VPS26A: variants seen among roughly 807,000 people sequenced by gnomAD.
The protein encoded by VPS26A is vacuolar protein sorting-associated protein 26A.
Under a neutral mutation model 42.4 loss-of-function variants are expected in VPS26A, and 22 were observed. The ratio of observed to expected loss-of-function variants is 0.52; its 90% CI spans 0.37 to 0.74. The LOEUF is 0.74. Among genes scored for constraint, VPS26A ranks in the 30% least tolerant of loss-of-function variants. VPS26A has a pLI of 0.00. For missense variants in VPS26A, 276 were observed against 379.2 expected, an observed-to-expected ratio of 0.73 and a Z score of 2.26; for synonymous variants, 110 against 123.5, an observed-to-expected ratio of 0.89 and a Z score of 0.73.
chr10:69,144,881 G>A (rs181824471), intron 2 of VPS26A, among the ~76,000 whole-genome samples: 115 of 151,656 alleles, frequency 7.6e-4, no homozygotes, highest in African/African-American at 2.6e-3. Context: ...GGTGTCTTAT[G>A]ATAAACAGTT....
In VPS26A at chr10:69,166,082, T is replaced by C. The variant is rs752472713; in HGVS notation, c.699T>C (p.Tyr233=). The change falls in exon 7 of 9, where the codon TAT becomes TAC. Residue 233 remains tyrosine, a synonymous_variant. Coordinates refer to ENST00000263559, the MANE Select transcript of VPS26A (RefSeq NM_004896.5). ...TTTETETIAK[Y]EIMDGAPVKG... is the part of the protein sequence containing the mutation. ...CAGAAACAGAAACAATCGCCAAATA[T>C]GAAATAATGGATGGTGCACCAGTAA... is the stretch of plus-strand genomic sequence containing the variant. 1.9e-6 allele frequency: 3 copies of C among 1,614,042 alleles called. No individual in the cohort carries two copies. Among genetic ancestry groups the C allele is most frequent in the South Asian group, 1.1e-5 (1 of 91,080 alleles).
chr10:69,129,140 T>C (rs1309004585), intron 1 of VPS26A, among the ~76,000 whole-genome samples: 1 of 152,092 alleles, frequency 6.6e-6, no homozygotes, highest in African/African-American at 2.4e-5. Context: ...TATCCTTCAA[T>C]ATAACTGATT....
In VPS26A at chr10:69,173,279, C is replaced by G. The variant is rs1023904463; in HGVS notation, c.*2010C>G. On this transcript the variant is annotated 3_prime_UTR_variant, in exon 9 of 9. Transcript: ENST00000263559. ...TCACCTTAGAAGCTTTTAAAATAAC[C>G]AGGCCCGGGTCCTACTCTGACCAAT... Among the ~76,000 whole-genome samples the G allele has an allele frequency of 6.6e-6, 1 of 152,118 alleles. No homozygotes were observed. The highest frequency in any genetic ancestry group is 2.4e-5 in the African/African-American group (1 of 41,430).
At chr10:69,131,110 C>T (rs1840767653) in intron 1 of VPS26A, among the ~76,000 whole-genome samples, 1 of 152,090 alleles carries the variant, frequency 6.6e-6, no homozygotes, top group African/African-American at 2.4e-5. Context: ...CTCAGCCTCC[C>T]GAGTAGCTGG....
chr10:69,154,286 C>T (rs575932550), intron 2 of VPS26A, among the ~76,000 whole-genome samples: 1 of 152,282 alleles, frequency 6.6e-6, no homozygotes, highest in African/African-American at 2.4e-5. Flanking sequence ...CCTGTAATCC[C>T]AGCACTTTGG....
intron 2 of VPS26A, 21 bp from the exon 3 acceptor site, chr10:69,155,791 T>A (rs779402414): frequency 6.2e-7 from 1 of 1,602,100 alleles, no homozygotes; most frequent in African/African-American, 1.3e-5. Flanking sequence ...TAACATCTCT[T>A]ATAATTTCAT....
At chr10:69,160,055 ATTG>A (rs1841517799) in intron 5 of VPS26A, among the ~76,000 whole-genome samples, 1 of 152,036 alleles carries the variant, frequency 6.6e-6, no homozygotes, top group Admixed American at 6.6e-5. Context: ...TTAAAATTAT[ATTG>A]TTGATGAAAT....
chr10:69,131,437 A>T (rs965319174), intron 1 of VPS26A, among the ~76,000 whole-genome samples: 7 of 151,874 alleles, frequency 4.6e-5, no homozygotes, highest in Non-Finnish European at 8.8e-5. Context: ...AAATTTTTTT[A>T]AAAAAGATCA....
intron 2 of VPS26A, among the ~76,000 whole-genome samples, chr10:69,149,734 G>GTTTTTTTTTTTTTTTTTTT (rs869048277): frequency 4.7e-5 from 1 of 21,406 alleles, no homozygotes; most frequent in African/African-American, 9.1e-5. Context: ...GGTGTTTTTT[G>GTTTTTTTTTTTTTTTTTTT]TTTTTTTTTT....
At chr10:69,132,037 A>G (rs902389644) in intron 1 of VPS26A, among the ~76,000 whole-genome samples, 2 of 152,202 alleles carry the variant, frequency 1.3e-5, no homozygotes, top group Non-Finnish European at 2.9e-5. Flanking sequence ...ATTTTCCTTC[A>G]TTATAGCCAG....
intron 2 of VPS26A, among the ~76,000 whole-genome samples, chr10:69,150,204 C>T (rs1238550949): frequency 1.3e-5 from 2 of 151,780 alleles, no homozygotes; most frequent in African/African-American, 4.8e-5. Flanking sequence ...GAGGCATGCA[C>T]CATCACACCT....
At chr10:69,148,460 A>G (rs997013690) in intron 2 of VPS26A, among the ~76,000 whole-genome samples, 1 of 152,216 alleles carries the variant, frequency 6.6e-6, no homozygotes, top group Non-Finnish European at 1.5e-5. Flanking sequence ...ATCAATATGC[A>G]TATGGACTAT....
chr10:69,130,563 A>C (rs1840752579), intron 1 of VPS26A, among the ~76,000 whole-genome samples: 1 of 152,224 alleles, frequency 6.6e-6, no homozygotes, highest in African/African-American at 2.4e-5. Context: ...AACTGAAGTA[A>C]AATAACTATG....
At chr10:69,160,232 T>C (rs1841525425) in intron 5 of VPS26A, among the ~76,000 whole-genome samples, 1 of 152,034 alleles carries the variant, frequency 6.6e-6, no homozygotes, top group Admixed American at 6.6e-5. Flanking sequence ...TGATCTCGGC[T>C]CACTGCAACC....
chr10:69,166,237 A>G (rs1362622199), intron 7 of VPS26A, 127 bp downstream of exon 7: 4 of 841,224 alleles, frequency 4.8e-6, no homozygotes, highest in African/African-American at 1.7e-5. Flanking sequence ...GATAGCTTTT[A>G]AGGTCATCTT....
intron 2 of VPS26A, among the ~76,000 whole-genome samples, chr10:69,144,180 G>C (rs1841104426): frequency 6.6e-6 from 1 of 152,074 alleles, no homozygotes. Flanking sequence ...CCTCACCCCA[G>C]CCCCACATGG....
At chr10:69,162,373 T>G in intron 5 of VPS26A, 33 bp from the exon 6 acceptor site, 2 of 1,138,042 alleles carry the variant, frequency 1.8e-6, no homozygotes, top group Non-Finnish European at 1.3e-6. Context: ...GTTTTTAAAC[T>G]GATATTTAGT....
At chr10:69,167,594 T>A (rs1457495710) in intron 7 of VPS26A, among the ~76,000 whole-genome samples, 2 of 151,004 alleles carry the variant, frequency 1.3e-5, no homozygotes, top group African/African-American at 2.4e-5. Flanking sequence ...ACAAAAAAAA[T>A]TTGCAGGGCA....
chr10:69,153,180 G>T (rs1841358327), intron 2 of VPS26A, among the ~76,000 whole-genome samples: 1 of 151,442 alleles, frequency 6.6e-6, no homozygotes. Context: ...CTCCCAAGTA[G>T]CTGGGATTAC....
Sources: gnomAD v4.1 joint callset for allele counts (sites outside exome capture counted in the v4.1 genomes callset) on GRCh38, gnomAD v4.1.1 for gene constraint, MANE v1.5 for transcripts, NCBI Gene and HGNC (gene_info 2026-07-23, HGNC 2026-07-21) for gene names.